The following BMPR2 variants were observed in gnomAD, a reference collection of about 807,000 sequenced individuals.
BMPR2 encodes the protein bone morphogenetic protein receptor type 2, also known as bone morphogenetic protein receptor type-2.
Under a neutral mutation model 100.8 loss-of-function variants are expected in BMPR2, and 29 were observed. The ratio of observed to expected loss-of-function variants is 0.29; its 90% CI spans 0.21 to 0.39. The LOEUF (loss-of-function observed/expected upper bound fraction) is 0.39, where lower values mean the gene tolerates loss of function less well. Among genes scored for constraint, BMPR2 ranks in the 10% least tolerant of loss-of-function variants. BMPR2 has a pLI of 1.00. For missense variants in BMPR2, 1,011 were observed against 1,274.5 expected (o/e 0.79, Z 3.15); for synonymous variants, 382 against 442.3 (o/e 0.86, Z 1.71).
At chr2:202,543,717 A>G (rs1431047761) in intron 10 of BMPR2, among the ~76,000 whole-genome samples, 2 of 152,082 alleles carry the variant, frequency 1.3e-5, no homozygotes, top group Admixed American at 1.3e-4. Flanking sequence ...CCAGTTTGTA[A>G]TATTCTATTA....
chr2:202,381,420 C>A (rs996671033), intron 1 of BMPR2, among the ~76,000 whole-genome samples: 3 of 152,158 alleles, frequency 2.0e-5, no homozygotes, highest in South Asian at 4.1e-4. Flanking sequence ...TAACATCTAT[C>A]TGGGGGAGGC....
intron 10 of BMPR2, among the ~76,000 whole-genome samples, chr2:202,548,181 T>C (rs1213515951): frequency 6.6e-6 from 1 of 152,262 alleles, no homozygotes; most frequent in East Asian, 1.9e-4. Flanking sequence ...TACCAGTTCT[T>C]TTCACATAGT....
At chr2:202,402,667 T>C (rs1348407501) in intron 1 of BMPR2, among the ~76,000 whole-genome samples, 1 of 151,292 alleles carries the variant, frequency 6.6e-6, no homozygotes, top group Non-Finnish European at 1.5e-5. Context: ...TGTGTGTGTG[T>C]GTGTGTGTAT....
intron 9 of BMPR2, among the ~76,000 whole-genome samples, chr2:202,541,805 C>T (rs1688280680): frequency 6.6e-6 from 1 of 152,104 alleles, no homozygotes; most frequent in Admixed American, 6.6e-5. Context: ...CTATTCTAAG[C>T]AAAACATTCA....
At chr2:202,536,776 G>C (rs1688167314) in intron 9 of BMPR2, among the ~76,000 whole-genome samples, 1 of 150,690 alleles carries the variant, frequency 6.6e-6, no homozygotes, top group South Asian at 2.1e-4. Context: ...GGAGGCTGAG[G>C]CAGGAGAATC....
intron 1 of BMPR2, among the ~76,000 whole-genome samples, chr2:202,425,205 T>C (rs1691361812): frequency 1.3e-5 from 2 of 152,194 alleles, no homozygotes; most frequent in African/African-American, 2.4e-5. Flanking sequence ...TGAGTCACCA[T>C]GCCCAGCCGA....
At chr2:202,433,416 G>A (rs1358672410) in intron 1 of BMPR2, among the ~76,000 whole-genome samples, 1 of 150,568 alleles carries the variant, frequency 6.6e-6, no homozygotes, top group Non-Finnish European at 1.5e-5. Flanking sequence ...GAGGCACTAA[G>A]GAAGGCTAAG....
intron 9 of BMPR2, among the ~76,000 whole-genome samples, chr2:202,538,971 A>G (rs1559069378): frequency 6.6e-6 from 1 of 152,180 alleles, no homozygotes; most frequent in Non-Finnish European, 1.5e-5. Flanking sequence ...TTGTCTACAT[A>G]GAGATGGTAA....
At position 202,467,558 on chromosome 2, in the gene BMPR2, A is replaced by G. The variant is rs1293896855; in HGVS notation, c.287A>G (p.Tyr96Cys). Residue 96 changes from tyrosine (Y) to cysteine (C), a missense_variant, in exon 3 of 13, where the codon TAT becomes TGT. By Grantham distance (194) the Tyr-to-Cys change is radical. Coordinates refer to ENST00000374580, the MANE Select transcript of BMPR2 (RefSeq NM_001204.7). The part of the protein sequence containing the change: ...SHIGDPQECH[Y>C]EECVVTTTPP... ...ATTGGAGATCCCCAAGAGTGTCACTATGAAGAATGTGTAGTAACTACCACT... is the reference window on the plus strand; with the variant it reads ...ATTGGAGATCCCCAAGAGTGTCACTGTGAAGAATGTGTAGTAACTACCACT... 6.4e-7 allele frequency: 1 copy of G among 1,570,078 alleles called. No homozygotes were observed. The highest frequency in any genetic ancestry group is 8.8e-7 in the Non-Finnish European group (1 of 1,140,092).
At chr2:202,470,550 A>G (rs1438202739) in intron 3 of BMPR2, among the ~76,000 whole-genome samples, 1 of 150,006 alleles carries the variant, frequency 6.7e-6, no homozygotes, top group African/African-American at 2.5e-5. Flanking sequence ...TCATGAGGTC[A>G]GGAGATCGAG....
intron 7 of BMPR2, among the ~76,000 whole-genome samples, chr2:202,527,206 G>A (rs1368305134): frequency 6.6e-6 from 1 of 152,108 alleles, no homozygotes; most frequent in Non-Finnish European, 1.5e-5. Flanking sequence ...AATATTCCCT[G>A]GCCAAATGCA....
intron 12 of BMPR2, among the ~76,000 whole-genome samples, chr2:202,559,266 C>T (rs1337466209): frequency 1.3e-5 from 2 of 150,782 alleles, no homozygotes; most frequent in Non-Finnish European, 2.9e-5. Flanking sequence ...CATGCCACTG[C>T]ACTCCAGCCT....
At chr2:202,508,279 G>A (rs1353962611) in intron 3 of BMPR2, among the ~76,000 whole-genome samples, 2 of 151,514 alleles carry the variant, frequency 1.3e-5, no homozygotes, top group Non-Finnish European at 2.9e-5. Flanking sequence ...TTTTAGTAGA[G>A]ATGGGGTTTC....
chr2:202,380,880 A>G (rs553340168), intron 1 of BMPR2, among the ~76,000 whole-genome samples: 1 of 150,364 alleles, frequency 6.7e-6, no homozygotes, highest in East Asian at 1.9e-4. Flanking sequence ...CGGCCTCCCA[A>G]AATGCTGGGA....
intron 3 of BMPR2, among the ~76,000 whole-genome samples, chr2:202,497,851 T>G (rs1574478603): frequency 6.6e-6 from 1 of 152,292 alleles, no homozygotes; most frequent in African/African-American, 2.4e-5. Flanking sequence ...CAGGACTCTG[T>G]TACCTTCTTT....
chr2:202,377,416 C>T lies in BMPR2; in HGVS notation c.-59C>T, dbSNP rs1690172602. On this transcript the variant is annotated 5_prime_UTR_variant, in exon 1 of 13. Transcript: ENST00000374580. Reference sequence around the variant, plus strand: ...AAGACGAGCCTCCCGGCTGTTTCTCCGCCGGTCTACTTCCCATATTTCTTT... The same window carrying T: ...AAGACGAGCCTCCCGGCTGTTTCTCTGCCGGTCTACTTCCCATATTTCTTT... 2 of 1,540,184 alleles carry T rather than the reference C, an allele frequency of 1.3e-6. No homozygotes were observed. Among genetic ancestry groups the T allele is most frequent in the Non-Finnish European group, 1.8e-6 (2 of 1,112,546 alleles).
intron 1 of BMPR2, among the ~76,000 whole-genome samples, chr2:202,424,618 C>T (rs1459539917): frequency 1.3e-5 from 2 of 151,890 alleles, no homozygotes; most frequent in African/African-American, 2.4e-5. Flanking sequence ...ATTGCTTGAA[C>T]CTGGGAGGTG....
intron 10 of BMPR2, among the ~76,000 whole-genome samples, chr2:202,550,259 GCTA>G (rs1688452176): frequency 6.6e-6 from 1 of 151,694 alleles, no homozygotes. Flanking sequence ...TGTAGTCCCA[GCTA>G]CTCGCGAGGC....
intron 3 of BMPR2, among the ~76,000 whole-genome samples, chr2:202,491,175 G>A (rs1238886715): frequency 6.6e-6 from 1 of 152,098 alleles, no homozygotes; most frequent in East Asian, 1.9e-4. Context: ...TCCCACCTCA[G>A]CCTGCTGAGT....
Sources: allele counts gnomAD v4.1 joint callset (sites outside exome capture counted in the v4.1 genomes callset), GRCh38; gene constraint gnomAD v4.1.1; transcripts MANE v1.5; gene names NCBI Gene and HGNC (gene_info 2026-07-23, HGNC 2026-07-21).